The following PLCXD3 variants were observed in gnomAD, a reference collection of about 807,000 sequenced individuals.
The protein encoded by PLCXD3 is phosphatidylinositol specific phospholipase C X domain containing 3, also known as PI-PLC X domain-containing protein 3.
Under a neutral mutation model 25.5 loss-of-function variants are expected in PLCXD3, and 19 were observed. The observed-to-expected ratio is 0.75, with a 90% CI of 0.52 to 1.09. PLCXD3 has a LOEUF of 1.09. Among genes scored for constraint, PLCXD3 ranks in the 50% least tolerant of loss-of-function variants. PLCXD3 has a pLI of 0.00. For missense variants in PLCXD3, 411 were observed against 388.1 expected, an observed-to-expected ratio of 1.06 and a Z score of -0.50; for synonymous variants, 174 against 137.6, an observed-to-expected ratio of 1.26 and a Z score of -1.85.
chr5:41,308,675 C>T lies in PLCXD3; in HGVS notation c.*4942G>A, dbSNP rs1026127191. On this transcript the variant is annotated 3_prime_UTR_variant, in exon 3 of 3. Transcript: ENST00000377801. ...GGGCCTTTAAAAGCTCTCCTAACAC[C>T]AAGGCAGTTCATCTTACTTGGGAAG... 2 of 152,068 alleles carry T rather than the reference C, an allele frequency of 1.3e-5. No individual in the cohort carries two copies. Among genetic ancestry groups the T allele is most frequent in the African/African-American group, 2.4e-5 (1 of 41,396 alleles). 9.4% of individuals were successfully genotyped at this position (152,068 alleles called of 1,614,324 possible).
chr5:41,453,000 C>A (rs1747671177), intron 1 of PLCXD3, among the ~76,000 whole-genome samples: 1 of 151,864 alleles, frequency 6.6e-6, no homozygotes, highest in South Asian at 2.1e-4. Context: ...ACATATTTGT[C>A]ATTCATTTGT....
intron 2 of PLCXD3, among the ~76,000 whole-genome samples, chr5:41,319,871 G>T (rs1304489811): frequency 6.6e-6 from 1 of 151,858 alleles, no homozygotes; most frequent in Non-Finnish European, 1.5e-5. Flanking sequence ...GCCATACTAA[G>T]AAAACAAAAG....
intron 2 of PLCXD3, among the ~76,000 whole-genome samples, chr5:41,370,247 G>A (rs1490566819): frequency 2.0e-5 from 3 of 152,114 alleles, no homozygotes; most frequent in African/African-American, 7.2e-5. Context: ...TTAGCAATAG[G>A]CTACAATCCC....
intron 2 of PLCXD3, among the ~76,000 whole-genome samples, chr5:41,329,792 GTATT>G (rs1185188320): frequency 6.7e-6 from 1 of 148,838 alleles, no homozygotes; most frequent in Non-Finnish European, 1.5e-5. Flanking sequence ...ATAATCAGAT[GTATT>G]TAATCTATTT....
At chr5:41,462,021 G>C (rs1747887199) in intron 1 of PLCXD3, among the ~76,000 whole-genome samples, 1 of 151,970 alleles carries the variant, frequency 6.6e-6, no homozygotes, top group Non-Finnish European at 1.5e-5. Flanking sequence ...GCCTGAAAGA[G>C]CCGGAAGCTC....
chr5:41,307,097 G>A lies in PLCXD3; in HGVS notation c.*6520C>T, dbSNP rs2150464167. 1 of 152,642 alleles carries A rather than the reference G, an allele frequency of 6.6e-6. No homozygotes were observed. The highest frequency in any genetic ancestry group is 1.9e-4 in the East Asian group (1 of 5,190). 9.5% of individuals were successfully genotyped at this position (152,642 alleles called of 1,614,324 possible). A position where few individuals can be genotyped will look rare whatever the true frequency, so the allele number is the denominator to read the frequency against. On this transcript the variant is annotated 3_prime_UTR_variant, in exon 3 of 3. Transcript: ENST00000377801. ...TTTTCTTTACACCACATTTATTAAA[G>A]TATCAATAACCAGATCCTAAAAAGA...
chr5:41,389,528 T>A (rs552547307), intron 1 of PLCXD3, among the ~76,000 whole-genome samples: 2 of 152,288 alleles, frequency 1.3e-5, no homozygotes, highest in Admixed American at 1.3e-4. Context: ...AGAGCCTCTG[T>A]GCATATAGGC....
At chr5:41,320,501 T>A (rs908432116) in intron 2 of PLCXD3, among the ~76,000 whole-genome samples, 2 of 152,218 alleles carry the variant, frequency 1.3e-5, no homozygotes, top group African/African-American at 4.8e-5. Flanking sequence ...GGTTTTTTAA[T>A]TTTTTAATTT....
intron 1 of PLCXD3, among the ~76,000 whole-genome samples, chr5:41,493,318 G>A (rs1233183687): frequency 5.9e-5 from 9 of 152,182 alleles, no homozygotes; most frequent in South Asian, 2.1e-4. Context: ...GTACCTGGCC[G>A]TGTGAGGTGT....
chr5:41,381,745 T>G, intron 2 of PLCXD3, 81 bp downstream of exon 2: 2 of 1,340,414 alleles, frequency 1.5e-6, no homozygotes, highest in Non-Finnish European at 2.0e-6. Flanking sequence ...ATAGGTATAA[T>G]TTCAGCTTCA....
intron 1 of PLCXD3, among the ~76,000 whole-genome samples, chr5:41,456,172 T>G (rs1341253205): frequency 6.6e-6 from 1 of 151,872 alleles, no homozygotes; most frequent in African/African-American, 2.4e-5. Flanking sequence ...AAGTGACCTT[T>G]AAACAGAGAT....
intron 1 of PLCXD3, among the ~76,000 whole-genome samples, chr5:41,453,223 T>C (rs1212670821): frequency 6.6e-6 from 1 of 151,948 alleles, no homozygotes; most frequent in Non-Finnish European, 1.5e-5. Context: ...CTTTGACATT[T>C]TTAGATGCCA....
chr5:41,430,492 T>C (rs1747069892), intron 1 of PLCXD3, among the ~76,000 whole-genome samples: 1 of 152,214 alleles, frequency 6.6e-6, no homozygotes, highest in South Asian at 2.1e-4. Context: ...CACATCTTCT[T>C]CTGAGATCAG....
intron 2 of PLCXD3, among the ~76,000 whole-genome samples, chr5:41,367,423 G>A (rs1744968638): frequency 2.6e-5 from 4 of 151,948 alleles, no homozygotes; most frequent in South Asian, 4.1e-4. Flanking sequence ...ATGTTTGTTG[G>A]CCATAATAAC....
At chr5:41,324,717 T>C (rs1743573587) in intron 2 of PLCXD3, among the ~76,000 whole-genome samples, 1 of 152,206 alleles carries the variant, frequency 6.6e-6, no homozygotes, top group Non-Finnish European at 1.5e-5. Flanking sequence ...CTAGAACAGA[T>C]GAAGTGGCTC....
At chr5:41,407,708 C>T (rs887628237) in intron 1 of PLCXD3, among the ~76,000 whole-genome samples, 3 of 152,164 alleles carry the variant, frequency 2.0e-5, no homozygotes, top group Non-Finnish European at 4.4e-5. Context: ...ATGTGTATTT[C>T]ACTTGACATA....
chr5:41,435,174 C>T (rs1747217509), intron 1 of PLCXD3, among the ~76,000 whole-genome samples: 2 of 152,122 alleles, frequency 1.3e-5, no homozygotes, highest in South Asian at 2.1e-4. Flanking sequence ...CCTGCTTTTA[C>T]CACTTGTTCA....
rs902792528 is a variant in PLCXD3 at position 41,326,631 on chromosome 5, A to G, written c.813-12861T>C. ...CTTCTTCCAATACCCTTCTTGGCCA[A>G]TTGCTCCCTACCATTTAAGATTTGG... On this transcript the variant is annotated intron_variant, in intron 2 of 2. Transcript: ENST00000377801. Among the ~76,000 whole-genome samples, 5 of 152,018 alleles carry G rather than the reference A, an allele frequency of 3.3e-5. No individual in the cohort carries two copies. The East Asian group carries it at 9.7e-4, about 29-fold the overall frequency.
intron 1 of PLCXD3, among the ~76,000 whole-genome samples, chr5:41,502,031 A>G (rs1260622948): frequency 1.3e-5 from 2 of 152,136 alleles, no homozygotes. Context: ...AAGGAGCATT[A>G]TTACATATAT....
Sources: allele counts gnomAD v4.1 joint callset (sites outside exome capture counted in the v4.1 genomes callset), GRCh38; gene constraint gnomAD v4.1.1; transcripts MANE v1.5; gene names NCBI Gene and HGNC (gene_info 2026-07-23, HGNC 2026-07-21).